The following SLC35F3 variants were observed in gnomAD, a reference collection of about 807,000 sequenced individuals.
SLC35F3 encodes the protein solute carrier family 35 member F3, also known as putative thiamine transporter SLC35F3.
SLC35F3 carries 25 observed loss-of-function variants against 49.9 expected under a neutral mutation model. The observed-to-expected ratio is 0.50, with a 90% CI of 0.37 to 0.70. The LOEUF is 0.70. Among genes scored for constraint, SLC35F3 ranks in the 30% least tolerant of loss-of-function variants. SLC35F3 has a pLI of 0.00. For synonymous variants in SLC35F3, 275 were observed against 265.4 expected, an observed-to-expected ratio of 1.04 and a Z score of -0.35; for missense variants, 525 against 639.8, an observed-to-expected ratio of 0.82 and a Z score of 1.94.
chr1:234,268,622 C>T (rs1285868238), intron 3 of SLC35F3: 2 of 152,196 alleles, frequency 1.3e-5, no homozygotes, highest in African/African-American at 2.4e-5. Flanking sequence ...CACCCAAAAG[C>T]AACCCAAATG....
At chr1:234,061,255 G>GT (rs1456619354) in intron 2 of SLC35F3, among the ~76,000 whole-genome samples, 1 of 151,948 alleles carries the variant, frequency 6.6e-6, no homozygotes, top group Non-Finnish European at 1.5e-5. Flanking sequence ...AGGATTCTCT[G>GT]TTGACAGGTT....
intron 2 of SLC35F3, among the ~76,000 whole-genome samples, chr1:234,168,335 C>G (rs1022904917): frequency 1.3e-5 from 2 of 152,252 alleles, no homozygotes; most frequent in Non-Finnish European, 2.9e-5. Context: ...ACTGGATGGC[C>G]TTCAGATCCC....
chr1:233,986,294 C>T (rs2102824726), intron 2 of SLC35F3, among the ~76,000 whole-genome samples: 1 of 151,966 alleles, frequency 6.6e-6, no homozygotes, highest in Non-Finnish European at 1.5e-5. Context: ...AGGTTTTACC[C>T]AACTTCTCTC....
intron 2 of SLC35F3, among the ~76,000 whole-genome samples, chr1:233,912,287 G>T (rs1661887701): frequency 1.3e-5 from 2 of 152,090 alleles, no homozygotes; most frequent in South Asian, 4.1e-4. Flanking sequence ...ATACCAGCCT[G>T]GCCAAGATGG....
chr1:234,181,338 GAA>G (rs34757532), intron 2 of SLC35F3, among the ~76,000 whole-genome samples: 1,379 of 97,258 alleles, frequency 0.014, 12 homozygotes, highest in African/African-American at 0.043. Flanking sequence ...TCTGTCTCAA[GAA>G]AAAAAAAAAA....
chr1:234,097,444 CTG>C (rs1665141273), intron 2 of SLC35F3, among the ~76,000 whole-genome samples: 2 of 152,202 alleles, frequency 1.3e-5, no homozygotes, highest in South Asian at 4.1e-4. Flanking sequence ...TTGGGTGTCA[CTG>C]TGTCCCATTT....
At chr1:234,144,485 A>G (rs746140568) in intron 2 of SLC35F3, among the ~76,000 whole-genome samples, 2 of 152,198 alleles carry the variant, frequency 1.3e-5, no homozygotes, top group Non-Finnish European at 2.9e-5. Flanking sequence ...GATGGCTTTC[A>G]TCATTGAATC....
At chr1:233,981,212 C>CGT (rs558660882) in intron 2 of SLC35F3, among the ~76,000 whole-genome samples, 2,593 of 151,728 alleles carry the variant, frequency 0.017, 38 homozygotes, top group South Asian at 0.037. Context: ...TTTATGTGTA[C>CGT]GTGTGTGTGT....
intron 3 of SLC35F3, among the ~76,000 whole-genome samples, chr1:234,232,531 A>AAAAAAAAAAG (rs1558268143): frequency 9.4e-5 from 14 of 149,000 alleles, no homozygotes; most frequent in African/African-American, 3.5e-4. Flanking sequence ...AAAAAAAAAA[A>AAAAAAAAAAG]AAAAAAAAAG....
At chr1:234,208,919 T>A (rs1167838782) in intron 2 of SLC35F3, among the ~76,000 whole-genome samples, 1 of 152,182 alleles carries the variant, frequency 6.6e-6, no homozygotes, top group East Asian at 1.9e-4. Context: ...ATAGACACCA[T>A]CACACATCGC....
chr1:234,132,884 C>T (rs1665755851), intron 2 of SLC35F3, among the ~76,000 whole-genome samples: 1 of 152,160 alleles, frequency 6.6e-6, no homozygotes, highest in Admixed American at 6.5e-5. Flanking sequence ...TAGTGGAAGC[C>T]AGAAACAGCA....
Position 233,905,063 on chromosome 1 carries a change from ACT to A in SLC35F3, c.-12_-11del, listed in dbSNP as rs1661748531. 1 of 1,557,448 alleles carries A rather than the reference ACT, an allele frequency of 6.4e-7. No homozygotes were observed. The highest frequency in any genetic ancestry group is 1.4e-5 in the African/African-American group (1 of 73,560). On this transcript the variant is annotated 5_prime_UTR_variant, in exon 1 of 8. Coordinates refer to ENST00000366618, the MANE Select transcript of SLC35F3 (RefSeq NM_173508.4). Reference sequence around the variant, plus strand: ...CTCAAGTCTGGGAGCTGCCGGTCCCACTCTGTCTTTGCCTATGGGGATTCGAG... The same window carrying A: ...CTCAAGTCTGGGAGCTGCCGGTCCCACTGTCTTTGCCTATGGGGATTCGAG...
intron 2 of SLC35F3, among the ~76,000 whole-genome samples, chr1:234,075,550 C>T (rs898547063): frequency 6.6e-6 from 1 of 152,176 alleles, no homozygotes; most frequent in African/African-American, 2.4e-5. Context: ...GTGGGAAGCA[C>T]TTTCAGCAAA....
chr1:234,163,624 A>C (rs2102914662), intron 2 of SLC35F3, among the ~76,000 whole-genome samples: 1 of 152,346 alleles, frequency 6.6e-6, no homozygotes, highest in Admixed American at 6.5e-5. Context: ...ATTTGATATG[A>C]AACACTTCCC....
chr1:234,121,794 A>G (rs1483705230), intron 2 of SLC35F3, among the ~76,000 whole-genome samples: 3 of 152,128 alleles, frequency 2.0e-5, no homozygotes, highest in East Asian at 1.9e-4. Flanking sequence ...ATTCCCACCT[A>G]TGAGTGAGAA....
In SLC35F3 at chr1:233,905,545, C is replaced by G; in HGVS notation, c.70C>G (p.Pro24Ala). ...CGACCGCAGTGGCATGAGGAGGTCA[C>G]CGGACGTCAGCCCCCGGAGACTGTC... ...KSIAVGMRRSPDVSPRRLSDI... is the reference protein window; with the variant it reads ...KSIAVGMRRSADVSPRRLSDI... The change falls in exon 2 of 8, where the codon CCG becomes GCG. Residue 24 changes from proline (P) to alanine (A), a missense_variant. Pro to Ala is a conservative substitution (Grantham distance 27). Coordinates refer to ENST00000366618, the MANE Select transcript of SLC35F3 (RefSeq NM_173508.4). 6.2e-7 allele frequency: 1 copy of G among 1,613,570 alleles called. No individual in the cohort carries two copies. The highest frequency in any genetic ancestry group is 8.5e-7 in the Non-Finnish European group (1 of 1,179,768).
At position 234,027,911 on chromosome 1, in the gene SLC35F3, C is replaced by A. The variant is rs1167977619; in HGVS notation, c.283+122153C>A. On this transcript the variant is annotated intron_variant, in intron 2 of 7. Transcript: ENST00000366618. This position sits in a 1 kb window ranked among gnomAD's most constrained non-coding sequence, Gnocchi z 4.1. ...GGTAATTTCAGCTGGTGATAGCAAC[C>A]ATGTTGAGTAAGCAGTATTGATCAA... is the stretch of plus-strand genomic sequence containing the variant. Among the ~76,000 whole-genome samples the A allele has an allele frequency of 1.3e-5, 2 of 152,038 alleles. No individual in the cohort carries two copies. Among genetic ancestry groups the A allele is most frequent in the South Asian group, 2.1e-4 (1 of 4,828 alleles).
chr1:233,997,107 T>C (rs1337389812), intron 2 of SLC35F3, among the ~76,000 whole-genome samples: 1 of 152,222 alleles, frequency 6.6e-6, no homozygotes, highest in East Asian at 1.9e-4. Context: ...TCAGGCTGAC[T>C]ATTCCATTGC....
At chr1:234,096,773 A>C (rs1245943139) in intron 2 of SLC35F3, among the ~76,000 whole-genome samples, 1 of 152,024 alleles carries the variant, frequency 6.6e-6, no homozygotes, top group East Asian at 1.9e-4. Context: ...ACCAATTACA[A>C]GGCTATTTCA....
Sources: gnomAD v4.1 joint callset for allele counts (sites outside exome capture counted in the v4.1 genomes callset) on GRCh38, gnomAD v4.1.1 for gene constraint, Gnocchi (gnomAD v3.1) non-coding constraint, MANE v1.5 for transcripts, NCBI Gene and HGNC (gene_info 2026-07-23, HGNC 2026-07-21) for gene names.